The following GDE1 variants were observed in gnomAD, a reference collection of about 807,000 sequenced individuals.
The protein encoded by GDE1 is glycerophosphodiester phosphodiesterase 1, also known as RGS16-interacting membrane protein.
In GDE1, 24 loss-of-function variants were observed where a neutral mutation model predicts 32.2. The ratio of observed to expected loss-of-function variants is 0.75; its 90% CI spans 0.54 to 1.05. The LOEUF (loss-of-function observed/expected upper bound fraction) is 1.05, where lower values mean the gene tolerates loss of function less well. Among genes scored for constraint, GDE1 ranks in the 50% least tolerant of loss-of-function variants. GDE1 has a pLI of 0.00. For synonymous variants in GDE1, 159 were observed against 158.6 expected (o/e 1.00, Z -0.02); for missense variants, 380 against 415.0 (o/e 0.92, Z 0.73).
Position 19,522,000 on chromosome 16 carries a change from A to G in GDE1, c.-36T>C. ...GCACCGGCACGGACGGGAGTCCCGG[A>G]CCCGCCGGGCTCCTGGGGCAGTAGA... On this transcript the variant is annotated 5_prime_UTR_variant, in exon 1 of 6. Coordinates refer to ENST00000353258, the MANE Select transcript of GDE1 (RefSeq NM_016641.4). 1 of 1,508,486 alleles carries G rather than the reference A, an allele frequency of 6.6e-7. No homozygotes were observed. The highest frequency in any genetic ancestry group is 8.9e-7 in the Non-Finnish European group (1 of 1,124,808). 93.4% of individuals were successfully genotyped at this position (1,508,486 alleles called of 1,614,324 possible).
intron 3 of GDE1, among the ~76,000 whole-genome samples, chr16:19,509,944 C>T (rs1198432883): frequency 6.6e-6 from 1 of 151,936 alleles, no homozygotes. Context: ...AGCCACTGCA[C>T]CCGGCCCATT....
In GDE1 at chr16:19,503,542, A is replaced by T. The variant is rs765046960; in HGVS notation, c.924T>A (p.Ser308Arg). 3 of 1,613,238 alleles carry T rather than the reference A, an allele frequency of 1.9e-6. No individual in the cohort carries two copies. Among genetic ancestry groups the T allele is most frequent in the Non-Finnish European group, 1.7e-6 (2 of 1,179,292 alleles). The change falls in exon 6 of 6, where the codon AGT becomes AGA. Residue 308 changes from serine (S) to arginine (R), a missense_variant. Physicochemically the swap from Ser to Arg is moderately radical, Grantham distance 110. Coordinates refer to ENST00000353258, the MANE Select transcript of GDE1 (RefSeq NM_016641.4). ...TGGAACCAAGATGGGATTCGTAGTA[A>T]CTCTTTTCATCAAAGGTATTAACAG... is the stretch of plus-strand genomic sequence containing the variant. The part of the protein sequence containing the change: ...GWTVNTFDEK[S>R]YYESHLGSSY...
rs1969227102 is a variant in GDE1, at chr16:19,504,967, G to A, written c.762C>T (p.Asp254=). 3.1e-6 allele frequency: 5 copies of A among 1,612,922 alleles called. No individual in the cohort carries two copies. The highest frequency in any genetic ancestry group is 4.2e-6 in the Non-Finnish European group (5 of 1,178,884). The change falls in exon 5 of 6, where the codon GAC becomes GAT. Residue 254 remains aspartate (D), a synonymous_variant. Transcript: ENST00000353258. ...TATGCATGCTCCAATCGAGCAAAAT[G>A]TCCATCATAACAAATATAAAATGTT... ...FWKHFIFVMM[D]ILLDWSMHNI...
chr16:19,512,926 T>TG (rs1969335897), intron 2 of GDE1, among the ~76,000 whole-genome samples: 7 of 128,324 alleles, frequency 5.5e-5, no homozygotes, highest in South Asian at 5.1e-4. Flanking sequence ...ATGTATCTGT[T>TG]TTGTGTGTGT....
intron 1 of GDE1, among the ~76,000 whole-genome samples, chr16:19,520,305 G>A (rs1342384471): frequency 6.6e-6 from 1 of 151,908 alleles, no homozygotes; most frequent in African/African-American, 2.4e-5. Flanking sequence ...GGGAGGTTGA[G>A]GCAGTAGAAT....
intron 1 of GDE1, among the ~76,000 whole-genome samples, chr16:19,520,187 G>A (rs2151450362): frequency 6.6e-6 from 1 of 152,166 alleles, no homozygotes; most frequent in East Asian, 1.9e-4. Flanking sequence ...CAGTGGCAAA[G>A]GAATGAAATT....
intron 2 of GDE1, among the ~76,000 whole-genome samples, chr16:19,514,294 G>C (rs1306858209): frequency 6.6e-6 from 1 of 152,064 alleles, no homozygotes; most frequent in African/African-American, 2.4e-5. Flanking sequence ...ATGGGGAAAG[G>C]GGCATAGAGC....
chr16:19,508,463 T>C (rs1233367015), intron 3 of GDE1, among the ~76,000 whole-genome samples: 2 of 152,206 alleles, frequency 1.3e-5, no homozygotes, highest in African/African-American at 4.8e-5. Context: ...TGGGACGCAA[T>C]GCTGCTGCTG....
At chr16:19,510,370 T>C (rs971709822) in intron 3 of GDE1, among the ~76,000 whole-genome samples, 1 of 152,230 alleles carries the variant, frequency 6.6e-6, no homozygotes, top group African/African-American at 2.4e-5. Context: ...AAGGTATATG[T>C]TCTGTTAACT....
intron 2 of GDE1, among the ~76,000 whole-genome samples, chr16:19,512,701 A>C (rs1159720807): frequency 6.6e-6 from 1 of 152,138 alleles, no homozygotes; most frequent in African/African-American, 2.4e-5. Flanking sequence ...TCTTAAATTT[A>C]AACTTTTAAT....
Position 19,503,159 on chromosome 16 carries a change from A to T in GDE1, c.*311T>A. Reference sequence around the variant, plus strand: ...CCATGCATTTACATCTGCATCTGCAAACTGTACAATTCAATCTGTGCTTAT... The same window carrying T: ...CCATGCATTTACATCTGCATCTGCATACTGTACAATTCAATCTGTGCTTAT... On this transcript the variant is annotated 3_prime_UTR_variant, in exon 6 of 6. Coordinates refer to ENST00000353258, the MANE Select transcript of GDE1 (RefSeq NM_016641.4). 3.1e-6 allele frequency: 1 copy of T among 320,630 alleles called. No homozygotes were observed. Among genetic ancestry groups the T allele is most frequent in the Non-Finnish European group, 5.8e-6 (1 of 171,810 alleles). 19.9% of individuals were successfully genotyped at this position (320,630 alleles called of 1,614,324 possible).
At chr16:19,508,590 GCCT>G (rs1212015331) in intron 3 of GDE1, among the ~76,000 whole-genome samples, 1 of 152,142 alleles carries the variant, frequency 6.6e-6, no homozygotes, top group Non-Finnish European at 1.5e-5. Flanking sequence ...TCCATGTCAT[GCCT>G]CCTCTTCGCT....
At chr16:19,509,332 A>C (rs1969287379) in intron 3 of GDE1, among the ~76,000 whole-genome samples, 1 of 152,134 alleles carries the variant, frequency 6.6e-6, no homozygotes, top group Non-Finnish European at 1.5e-5. Flanking sequence ...CATAAAAGTC[A>C]GTATACCATG....
At chr16:19,511,067 C>T (rs1021431597) in intron 2 of GDE1, 123 bp from the exon 3 acceptor site, 56 of 521,932 alleles carry the variant, frequency 1.1e-4, no homozygotes, top group Non-Finnish European at 1.7e-4. Context: ...TTCCTTTTTT[C>T]GACCATAGCA....
rs758278154 is a variant in GDE1, at chr16:19,510,872, T to A, written c.510A>T (p.Thr170=). ...AVAECLNHNL[T]IFFDVKGHAH... The stretch of plus-strand genomic sequence containing the variant: ...CATGGCCTTTGACATCAAAGAAGAT[T>A]GTGAGGTTATGGTTTAGGCACTCTG... Residue 170 remains threonine (T), a synonymous_variant, in exon 3 of 6, where the codon ACA becomes ACT. Coordinates refer to ENST00000353258, the MANE Select transcript of GDE1 (RefSeq NM_016641.4). The A allele has an allele frequency of 6.3e-6, 10 of 1,597,912 alleles. No individual in the cohort carries two copies. The South Asian group carries it at 1.1e-4, about 18-fold the overall frequency.
intron 2 of GDE1, among the ~76,000 whole-genome samples, chr16:19,513,222 A>T (rs929890576): frequency 1.3e-5 from 2 of 152,136 alleles, no homozygotes; most frequent in African/African-American, 4.8e-5. Flanking sequence ...AGGAATATTA[A>T]TTCTTCTGAT....
intron 1 of GDE1, among the ~76,000 whole-genome samples, chr16:19,519,472 A>G (rs74011421): frequency 1.3e-4 from 19 of 150,254 alleles, no homozygotes; most frequent in African/African-American, 4.2e-4. Context: ...ATATATATAT[A>G]TACATACACA....
rs1177613300 is a variant in GDE1, at chr16:19,502,494, C to T, written c.*976G>A. On this transcript the variant is annotated 3_prime_UTR_variant, in exon 6 of 6. Transcript: ENST00000353258. ...CCTTGAACTTCTGGGCTCAAGTGAT[C>T]CTCCCACCTCAACCTCCTGAGTAGC... 1 of 150,474 alleles carries T rather than the reference C, an allele frequency of 6.6e-6. No homozygotes were observed. Among genetic ancestry groups the T allele is most frequent in the Non-Finnish European group, 1.5e-5 (1 of 67,858 alleles). The allele number at this position is 150,474 out of a possible 1,614,324, so 9.3% of individuals were successfully genotyped here. A position where few individuals can be genotyped will look rare whatever the true frequency, so the allele number is the denominator to read the frequency against.
intron 2 of GDE1, among the ~76,000 whole-genome samples, chr16:19,515,052 G>A (rs1969362916): frequency 9.0e-6 from 1 of 111,718 alleles, no homozygotes; most frequent in Non-Finnish European, 1.7e-5. Flanking sequence ...GGCAACAAGA[G>A]TGAAACTCCA....
Sources: allele counts gnomAD v4.1 joint callset (sites outside exome capture counted in the v4.1 genomes callset), GRCh38; gene constraint gnomAD v4.1.1; transcripts MANE v1.5; gene names NCBI Gene and HGNC (gene_info 2026-07-23, HGNC 2026-07-21).